RBFOX3: variants seen among roughly 807,000 people sequenced by gnomAD.
RBFOX3 encodes the protein RNA binding fox-1 homolog 3.
A neutral mutation model predicts 48.7 loss-of-function variants in RBFOX3; 17 were observed. That is an observed-to-expected ratio of 0.35 (90% CI 0.24 to 0.52). The LOEUF is 0.52. Among genes scored for constraint, RBFOX3 ranks in the 20% least tolerant of loss-of-function variants. The pLI is 0.94. For missense variants in RBFOX3, 382 were observed against 497.5 expected, an observed-to-expected ratio of 0.77 and a Z score of 2.21; for synonymous variants, 212 against 209.5, an observed-to-expected ratio of 1.01 and a Z score of -0.10.
At chr17:79,357,976 A>G (rs2085537326) in intron 2 of RBFOX3, among the ~76,000 whole-genome samples, 1 of 151,558 alleles carries the variant, frequency 6.6e-6, no homozygotes, top group South Asian at 2.1e-4. Flanking sequence ...TATTATTGAC[A>G]GCATCTTGCT....
intron 13 of RBFOX3, among the ~76,000 whole-genome samples, chr17:79,095,108 C>T (rs1364518443): frequency 6.6e-6 from 1 of 152,116 alleles, no homozygotes; most frequent in African/African-American, 2.4e-5. Flanking sequence ...TACAAGCGGT[C>T]CCCAGACCAG....
rs915813539 is a variant in RBFOX3, at chr17:79,603,135, C to G, written c.-320+7691G>C. ...CCTCCTGAGTAGCTGGGATTATAGG[C>G]GTGCACCATCATACCCAGCGAATTT... On this transcript the variant is annotated intron_variant, in intron 1 of 14. Coordinates refer to ENST00000693108, the MANE Select transcript of RBFOX3 (RefSeq NM_001350451.2). Among the ~76,000 whole-genome samples the G allele has an allele frequency of 6.8e-3, 1,041 of 152,084 alleles. 20 individuals are homozygous for G. Among genetic ancestry groups the G allele is most frequent in the African/African-American group, 0.024 (978 of 41,452 alleles).
intron 1 of RBFOX3, among the ~76,000 whole-genome samples, chr17:79,555,656 T>TAAC (rs2091664578): frequency 4.5e-5 from 1 of 22,160 alleles, no homozygotes; most frequent in African/African-American, 1.2e-4. Flanking sequence ...GTGGTGGTGG[T>TAAC]GGTGGTGATG....
chr17:79,561,311 G>A (rs930755611), intron 1 of RBFOX3, among the ~76,000 whole-genome samples: 42 of 152,244 alleles, frequency 2.8e-4, no homozygotes, highest in African/African-American at 8.2e-4. Context: ...GCCTTGCCAG[G>A]GCTGAGCAGC....
intron 10 of RBFOX3, 79 bp from the exon 11 acceptor site, chr17:79,097,503 C>CA: frequency 7.0e-7 from 1 of 1,432,994 alleles, no homozygotes; most frequent in Non-Finnish European, 9.2e-7. Context: ...ACACCTAGCC[C>CA]CCCCGCGCAC....
At chr17:79,288,404 C>T (rs2144747736) in intron 3 of RBFOX3, among the ~76,000 whole-genome samples, 1 of 152,286 alleles carries the variant, frequency 6.6e-6, no homozygotes, top group South Asian at 2.1e-4. Flanking sequence ...GGAGGAGTCT[C>T]CTGGCCTTCT....
chr17:79,414,951 A>T (rs1270230217), intron 2 of RBFOX3, among the ~76,000 whole-genome samples: 1 of 152,194 alleles, frequency 6.6e-6, no homozygotes, highest in Non-Finnish European at 1.5e-5. Context: ...CCGTTCCCAG[A>T]GGGCTCCTGA....
chr17:79,547,990 T>C (rs1490101311), intron 1 of RBFOX3, among the ~76,000 whole-genome samples: 2 of 152,198 alleles, frequency 1.3e-5, no homozygotes, highest in Non-Finnish European at 2.9e-5. Context: ...GAGGACCAGC[T>C]TCCCTCCTCA....
At chr17:79,518,717 C>T (rs1050103258) in intron 1 of RBFOX3, among the ~76,000 whole-genome samples, 2 of 152,232 alleles carry the variant, frequency 1.3e-5, no homozygotes, top group Non-Finnish European at 2.9e-5. Context: ...GCCCCCTTGC[C>T]GTGCCTTCCC....
At chr17:79,580,646 T>C (rs929440351) in intron 1 of RBFOX3, among the ~76,000 whole-genome samples, 3 of 152,116 alleles carry the variant, frequency 2.0e-5, no homozygotes, top group African/African-American at 4.8e-5. Context: ...AGCAAAGTTT[T>C]TTTTGCTCAT....
intron 4 of RBFOX3, among the ~76,000 whole-genome samples, chr17:79,218,055 G>A (rs1269991634): frequency 6.6e-6 from 1 of 152,186 alleles, no homozygotes; most frequent in Non-Finnish European, 1.5e-5. Context: ...GGGAGCTGGG[G>A]TCAGGTGGAC....
intron 10 of RBFOX3, 91 bp from the exon 11 acceptor site, chr17:79,097,515 T>TAGCCCCCAACCCCTCCCCA: frequency 3.3e-6 from 3 of 910,092 alleles, no homozygotes; most frequent in Non-Finnish European, 3.9e-6. Flanking sequence ...CCCGCGCACC[T>TAGCCCCCAACCCCTCCCCA]AGCCCCCAAC....
In RBFOX3 at chr17:79,535,496, C is replaced by G. The variant is rs1568388005; in HGVS notation, c.-319-52898G>C. Among the ~76,000 whole-genome samples, 1 of 152,132 alleles carries G rather than the reference C, an allele frequency of 6.6e-6. No individual in the cohort carries two copies. Among genetic ancestry groups the G allele is most frequent in the Non-Finnish European group, 1.5e-5 (1 of 68,042 alleles). ...CGATTCCTTTACTCTCCCCTGTTAC[C>G]CAAGTGAGTCACCCCAAACGAATGA... is the stretch of plus-strand genomic sequence containing the variant. On this transcript the variant is annotated intron_variant, in intron 1 of 14. Coordinates refer to ENST00000693108, the MANE Select transcript of RBFOX3 (RefSeq NM_001350451.2). The surrounding 1 kb of genome is among the most constrained non-coding windows in gnomAD (Gnocchi z 4.5).
At chr17:79,276,467 C>T (rs1371832018) in intron 3 of RBFOX3, among the ~76,000 whole-genome samples, 1 of 152,140 alleles carries the variant, frequency 6.6e-6, no homozygotes, top group Non-Finnish European at 1.5e-5. Context: ...GGGCGGATCA[C>T]CTGAGGTCAG....
At chr17:79,131,466 G>A (rs1375827994) in intron 4 of RBFOX3, among the ~76,000 whole-genome samples, 1 of 152,136 alleles carries the variant, frequency 6.6e-6, no homozygotes, top group South Asian at 2.1e-4. Flanking sequence ...CCCACCTGAC[G>A]CAGCACCCAC....
At chr17:79,452,705 G>C (rs370200382) in intron 2 of RBFOX3, among the ~76,000 whole-genome samples, 3 of 152,174 alleles carry the variant, frequency 2.0e-5, no homozygotes, top group African/African-American at 7.2e-5. Context: ...GAGAGACTCG[G>C]ACTTGGTGGC....
intron 1 of RBFOX3, among the ~76,000 whole-genome samples, chr17:79,550,027 A>G (rs1158499265): frequency 1.3e-5 from 2 of 152,130 alleles, no homozygotes; most frequent in Non-Finnish European, 2.9e-5. Context: ...GCTCTCACGC[A>G]TCCCTGAGTC....
At chr17:79,121,346 C>G (rs1055526552) in intron 4 of RBFOX3, among the ~76,000 whole-genome samples, 2 of 152,152 alleles carry the variant, frequency 1.3e-5, no homozygotes, top group African/African-American at 4.8e-5. Flanking sequence ...TCTCCCGTGA[C>G]AGGGAAAGAA....
rs753225748 is a variant in RBFOX3 at position 79,111,125 on chromosome 17, G to A, written c.223-4337C>T. On this transcript the variant is annotated intron_variant, in intron 5 of 14. Transcript: ENST00000693108. The surrounding 1 kb of genome is among the most constrained non-coding windows in gnomAD (Gnocchi z 4.2). ...TTTCCGAGGAGGCTCAGGCCCGACG[G>A]ACAGCAGAAAGGACAGAGGTTCATC... 2.0e-5 allele frequency among the ~76,000 whole-genome samples: 3 copies of A among 152,246 alleles called. No homozygotes were observed. Among genetic ancestry groups the A allele is most frequent in the Non-Finnish European group, 2.9e-5 (2 of 68,038 alleles).
Sources: gnomAD v4.1 joint callset for allele counts (sites outside exome capture counted in the v4.1 genomes callset) on GRCh38, gnomAD v4.1.1 for gene constraint, Gnocchi (gnomAD v3.1) non-coding constraint, MANE v1.5 for transcripts, NCBI Gene and HGNC (gene_info 2026-07-23, HGNC 2026-07-21) for gene names.